The following FRAS1 variants were observed in gnomAD, a reference collection of about 807,000 sequenced individuals.
The protein encoded by FRAS1 is Fraser extracellular matrix complex subunit 1.
In FRAS1, 290 loss-of-function variants were observed where a neutral mutation model predicts 435.2. That is an observed-to-expected ratio of 0.67 (90% CI 0.61 to 0.73). FRAS1 has a LOEUF of 0.73. Among genes scored for constraint, FRAS1 ranks in the 30% least tolerant of loss-of-function variants. The pLI is 0.00. For missense variants in FRAS1, 4,860 were observed against 5,001.5 expected, an observed-to-expected ratio of 0.97 and a Z score of 0.85; for synonymous variants, 1,800 against 1,851.0, an observed-to-expected ratio of 0.97 and a Z score of 0.71.
At chr4:78,094,104 GTTTTTT>G (rs71214395) in intron 2 of FRAS1, among the ~76,000 whole-genome samples, 6,891 of 106,628 alleles carry the variant, frequency 0.065, 432 homozygotes, top group African/African-American at 0.2. Flanking sequence ...GAATAACCAA[GTTTTTT>G]TTTTTTTTTT....
rs966653113 is a variant in FRAS1 at position 78,337,939 on chromosome 4, C to T, written c.2422+122C>T. 6 of 924,874 alleles carry T rather than the reference C, an allele frequency of 6.5e-6. No homozygotes were observed. In the African/African-American group the frequency reaches 9.9e-5, roughly 15 times the overall value. The allele number at this position is 924,874 out of a possible 1,614,324, so 57.3% of individuals were successfully genotyped here. A position where few individuals can be genotyped will look rare whatever the true frequency, so the allele number is the denominator to read the frequency against. On this transcript the variant is annotated intron_variant, in intron 20 of 73. Transcript: ENST00000512123. ...GCTCTTTTATAGGAGACATTTGTTT[C>T]ATGTCTGGAAACTCATGTTACTGCT... is the stretch of plus-strand genomic sequence containing the variant.
chr4:78,085,695 T>A (rs1419259323), intron 2 of FRAS1, among the ~76,000 whole-genome samples: 3 of 151,974 alleles, frequency 2.0e-5, no homozygotes, highest in Admixed American at 6.6e-5. Flanking sequence ...TACATAATGG[T>A]AAAGGGATCA....
chr4:78,253,803 G>A (rs967028655), intron 5 of FRAS1, among the ~76,000 whole-genome samples: 1 of 152,158 alleles, frequency 6.6e-6, no homozygotes. Context: ...ATAGGGAAAA[G>A]ATCCTTTGAT....
chr4:78,477,128 A>C (rs1719875710), intron 54 of FRAS1, among the ~76,000 whole-genome samples: 1 of 152,196 alleles, frequency 6.6e-6, no homozygotes, highest in Non-Finnish European at 1.5e-5. Context: ...CAAAATATCA[A>C]GTTAAAATTA....
At chr4:78,193,695 A>G (rs1015995656) in intron 2 of FRAS1, among the ~76,000 whole-genome samples, 1 of 152,202 alleles carries the variant, frequency 6.6e-6, no homozygotes, top group African/African-American at 2.4e-5. Flanking sequence ...ACCTGAATAC[A>G]GCACACTGAT....
chr4:78,412,080 A>G (rs1441315099), intron 31 of FRAS1, among the ~76,000 whole-genome samples: 1 of 152,238 alleles, frequency 6.6e-6, no homozygotes, highest in Non-Finnish European at 1.5e-5. Flanking sequence ...ATTTACAGTG[A>G]TGCTATATCT....
intron 43 of FRAS1, among the ~76,000 whole-genome samples, chr4:78,447,412 A>G (rs184455943): frequency 1.3e-5 from 2 of 151,548 alleles, no homozygotes; most frequent in East Asian, 3.9e-4. Context: ...TCTGGAATGC[A>G]AGTGGTGTGT....
chr4:78,129,475 G>A (rs969671146), intron 2 of FRAS1, among the ~76,000 whole-genome samples: 1 of 152,180 alleles, frequency 6.6e-6, no homozygotes, highest in Non-Finnish European at 1.5e-5. Flanking sequence ...AACTATTTGA[G>A]AAGTGGCCAT....
At chr4:78,228,810 C>T (rs754246531) in intron 2 of FRAS1, among the ~76,000 whole-genome samples, 8 of 152,298 alleles carry the variant, frequency 5.3e-5, no homozygotes, top group Non-Finnish European at 1.2e-4. Context: ...TTATCGAGTA[C>T]TTTCTAAGGA....
intron 54 of FRAS1, 43 bp downstream of exon 54, chr4:78,475,649 G>A (rs756114312): frequency 1.3e-6 from 2 of 1,482,162 alleles, no homozygotes; most frequent in East Asian, 2.3e-5. Flanking sequence ...AGCAAGGGCT[G>A]TGACATGGCT....
chr4:78,409,652 C>T (rs143296091), intron 31 of FRAS1, among the ~76,000 whole-genome samples: 1 of 152,232 alleles, frequency 6.6e-6, no homozygotes, highest in East Asian at 1.9e-4. Flanking sequence ...TACAGAAATA[C>T]AAAAGAATAA....
intron 5 of FRAS1, among the ~76,000 whole-genome samples, chr4:78,254,420 A>G (rs1172052312): frequency 6.6e-6 from 1 of 152,212 alleles, no homozygotes; most frequent in African/African-American, 2.4e-5. Context: ...ATGAAAAAAT[A>G]TGCCCAAGAA....
At position 78,278,246 on chromosome 4, in the gene FRAS1, G is replaced by C. The variant is rs561722479; in HGVS notation, c.982-409G>C. On this transcript the variant is annotated intron_variant, in intron 9 of 73. Coordinates refer to ENST00000512123, the MANE Select transcript of FRAS1 (RefSeq NM_025074.7). ...AGGGATGCATCTGATTTTGTATTCA[G>C]GGAAAAGTGGTGGTTTGATTTGAGC... is the stretch of plus-strand genomic sequence containing the variant. Among the ~76,000 whole-genome samples the C allele has an allele frequency of 3.9e-5, 6 of 152,326 alleles. No individual in the cohort carries two copies. In the South Asian group the frequency reaches 6.2e-4, roughly 16 times the overall value.
At chr4:78,116,452 T>C (rs538953965) in intron 2 of FRAS1, among the ~76,000 whole-genome samples, 1 of 152,324 alleles carries the variant, frequency 6.6e-6, no homozygotes, top group East Asian at 1.9e-4. Context: ...CCATTATTAT[T>C]GTGTGGGAGT....
chr4:78,173,535 C>T (rs72862106), intron 2 of FRAS1, among the ~76,000 whole-genome samples: 13 of 152,344 alleles, frequency 8.5e-5, no homozygotes, highest in African/African-American at 2.9e-4. Context: ...CCCCCATTCC[C>T]AGTCCCATTC....
intron 14 of FRAS1, among the ~76,000 whole-genome samples, chr4:78,288,026 G>A (rs919037702): frequency 1.1e-4 from 17 of 152,198 alleles, no homozygotes; most frequent in African/African-American, 3.9e-4. Flanking sequence ...GAACAAGTGT[G>A]TGATGAATGA....
At chr4:78,135,169 C>T (rs1340786944) in intron 2 of FRAS1, among the ~76,000 whole-genome samples, 1 of 152,174 alleles carries the variant, frequency 6.6e-6, no homozygotes, top group East Asian at 1.9e-4. Flanking sequence ...TTTTGATTGA[C>T]CTTGCTGATG....
At chr4:78,222,475 A>G (rs1161672517) in intron 2 of FRAS1, among the ~76,000 whole-genome samples, 1 of 152,246 alleles carries the variant, frequency 6.6e-6, no homozygotes, top group Non-Finnish European at 1.5e-5. Flanking sequence ...GCAGGGCAGA[A>G]AGAAAGGCTA....
chr4:78,338,841 T>C (rs1730285363), intron 20 of FRAS1, among the ~76,000 whole-genome samples: 1 of 152,238 alleles, frequency 6.6e-6, no homozygotes, highest in African/African-American at 2.4e-5. Flanking sequence ...GTGCTCCCTG[T>C]GGCTGGTGGT....
Sources: allele counts gnomAD v4.1 joint callset (sites outside exome capture counted in the v4.1 genomes callset), GRCh38; gene constraint gnomAD v4.1.1; transcripts MANE v1.5; gene names NCBI Gene and HGNC (gene_info 2026-07-23, HGNC 2026-07-21).